Variants in ANO4 observed in about 807,000 individuals in gnomAD.
ANO4 encodes the protein anoctamin-4.
Under a neutral mutation model 141.9 loss-of-function variants are expected in ANO4, and 69 were observed. The ratio of observed to expected loss-of-function variants is 0.49; its 90% CI spans 0.40 to 0.59. The LOEUF is 0.59. Among genes scored for constraint, ANO4 ranks in the 20% least tolerant of loss-of-function variants. ANO4 has a pLI of 0.00. For synonymous variants in ANO4, 350 were observed against 394.3 expected (o/e 0.89, Z 1.33); for missense variants, 894 against 1,162.2 (o/e 0.77, Z 3.36).
At chr12:100,776,328 C>A (rs1380375286) in intron 3 of ANO4, among the ~76,000 whole-genome samples, 1 of 152,168 alleles carries the variant, frequency 6.6e-6, no homozygotes, top group African/African-American at 2.4e-5. Context: ...GCTCTCAGAA[C>A]CACCTCGCGA....
intron 2 of ANO4, among the ~76,000 whole-genome samples, chr12:100,907,122 C>T (rs756696981): frequency 2.6e-5 from 4 of 152,134 alleles, no homozygotes; most frequent in Non-Finnish European, 4.4e-5. Flanking sequence ...ATGGCTATCC[C>T]GAAGAAAGTG....
At chr12:100,983,978 G>T (rs2044597398) in intron 7 of ANO4, among the ~76,000 whole-genome samples, 1 of 152,172 alleles carries the variant, frequency 6.6e-6, no homozygotes, top group South Asian at 2.1e-4. Context: ...CACACAGCAT[G>T]CACAGCCGTG....
intron 1 of ANO4, among the ~76,000 whole-genome samples, chr12:100,808,389 T>A (rs183627991): frequency 6.6e-6 from 1 of 152,170 alleles, no homozygotes; most frequent in South Asian, 2.1e-4. Context: ...TTTGCCCACT[T>A]TTTAATGGGG....
intron 26 of ANO4, among the ~76,000 whole-genome samples, chr12:101,122,816 G>C (rs1303570057): frequency 6.6e-6 from 1 of 152,086 alleles, no homozygotes; most frequent in Admixed American, 6.6e-5. Flanking sequence ...TTTCCAATAG[G>C]ACTGGGTATT....
chr12:100,868,700 T>A (rs955472546), intron 1 of ANO4, among the ~76,000 whole-genome samples: 11 of 152,144 alleles, frequency 7.2e-5, no homozygotes, highest in African/African-American at 2.7e-4. Flanking sequence ...CTCCCCCTTG[T>A]GGGAGTTGTG....
chr12:101,076,658 A>T (rs1436731616), intron 14 of ANO4, among the ~76,000 whole-genome samples: 1 of 152,130 alleles, frequency 6.6e-6, no homozygotes, highest in African/African-American at 2.4e-5. Context: ...GACAGACTGG[A>T]TGTGAATCCT....
chr12:101,022,377 T>C (rs2046569511), intron 9 of ANO4, among the ~76,000 whole-genome samples: 1 of 152,228 alleles, frequency 6.6e-6, no homozygotes, highest in South Asian at 2.1e-4. Flanking sequence ...TATTTGATAG[T>C]TAGTCATATA....
intron 22 of ANO4, among the ~76,000 whole-genome samples, chr12:101,103,181 T>TCATA (rs1555302952): frequency 2.2e-5 from 2 of 90,672 alleles, no homozygotes; most frequent in African/African-American, 5.2e-5. Context: ...TTTTTAGTCA[T>TCATA]TTTATATATA....
intron 1 of ANO4, among the ~76,000 whole-genome samples, chr12:100,827,592 A>G (rs1296520276): frequency 1.3e-5 from 2 of 152,018 alleles, no homozygotes; most frequent in Non-Finnish European, 2.9e-5. Flanking sequence ...CAGCTGACTA[A>G]ATGAATGGAA....
At chr12:100,955,798 T>C (rs2043152463) in intron 5 of ANO4, among the ~76,000 whole-genome samples, 4 of 152,244 alleles carry the variant, frequency 2.6e-5, no homozygotes, top group Admixed American at 2.0e-4. Flanking sequence ...TAAAGGATGA[T>C]TAGATATTCA....
chr12:100,818,116 A>G (rs1454360773), intron 1 of ANO4, among the ~76,000 whole-genome samples: 1 of 151,904 alleles, frequency 6.6e-6, no homozygotes, highest in Non-Finnish European at 1.5e-5. Flanking sequence ...TTAAAAATAG[A>G]AACACCAACT....
At chr12:101,106,571 G>GTATATA (rs1449953464) in intron 22 of ANO4, among the ~76,000 whole-genome samples, 4 of 111,100 alleles carry the variant, frequency 3.6e-5, no homozygotes, top group East Asian at 2.3e-4. Context: ...GTGTGTGTGT[G>GTATATA]TGTATATATA....
At chr12:100,741,732 T>C (rs1178220403) in intron 3 of ANO4, among the ~76,000 whole-genome samples, 2 of 152,112 alleles carry the variant, frequency 1.3e-5, no homozygotes, top group Non-Finnish European at 2.9e-5. Flanking sequence ...GGCTTGAAAA[T>C]GTTTCTGTAT....
At chr12:101,078,413 T>A (rs2049110830) in intron 14 of ANO4, among the ~76,000 whole-genome samples, 1 of 152,136 alleles carries the variant, frequency 6.6e-6, no homozygotes, top group Non-Finnish European at 1.5e-5. Context: ...GTGTCTTATT[T>A]TCTCTCTGTT....
At chr12:101,116,570 G>A (rs2050861000) in intron 24 of ANO4, 109 bp from the exon 25 acceptor site, 2 of 1,508,436 alleles carry the variant, frequency 1.3e-6, no homozygotes, top group South Asian at 2.4e-5. Flanking sequence ...GGAAGGGCCA[G>A]TTAAAGGCAT....
At chr12:100,726,638 T>C (rs2136764667) in intron 1 of ANO4, among the ~76,000 whole-genome samples, 1 of 152,174 alleles carries the variant, frequency 6.6e-6, no homozygotes, top group East Asian at 1.9e-4. Context: ...TCTCAGGTGG[T>C]GCAGCTGCTG....
intron 3 of ANO4, among the ~76,000 whole-genome samples, chr12:100,750,126 T>G (rs12825317): frequency 0.25 from 37,616 of 151,592 alleles, 5,009 homozygotes; most frequent in African/African-American, 0.3. Context: ...TTTCTTTTTT[T>G]TTTTCTTTTT....
intron 1 of ANO4, among the ~76,000 whole-genome samples, chr12:100,869,119 T>C (rs1231412692): frequency 1.3e-5 from 2 of 152,296 alleles, no homozygotes; most frequent in African/African-American, 4.8e-5. Context: ...CCTGAAACAC[T>C]GAATCCTAAA....
At chr12:100,871,661 G>A (rs527384556) in intron 1 of ANO4, among the ~76,000 whole-genome samples, 1 of 152,298 alleles carries the variant, frequency 6.6e-6, no homozygotes, top group East Asian at 1.9e-4. Context: ...AGGCTGGGAG[G>A]TCCAATATCC....
Sources: gnomAD v4.1 joint callset for allele counts (sites outside exome capture counted in the v4.1 genomes callset) on GRCh38, gnomAD v4.1.1 for gene constraint, MANE v1.5 for transcripts, NCBI Gene and HGNC (gene_info 2026-07-23, HGNC 2026-07-21) for gene names.